ATXN2: variants seen among roughly 807,000 people sequenced by gnomAD.
The protein encoded by ATXN2 is ataxin-2.
A neutral mutation model predicts 138.6 loss-of-function variants in ATXN2; 37 were observed. The ratio of observed to expected loss-of-function variants is 0.27; its 90% CI spans 0.21 to 0.35. ATXN2 has a LOEUF of 0.35. ATXN2 is among the 10% of genes least tolerant of loss of function. ATXN2 has a pLI of 1.00. For synonymous variants in ATXN2, 549 were observed against 543.7 expected (o/e 1.01, Z -0.13); for missense variants, 1,216 against 1,480.3 (o/e 0.82, Z 2.93).
At chr12:111,459,098 C>T (rs1043055663) in intron 21 of ATXN2, among the ~76,000 whole-genome samples, 10 of 152,176 alleles carry the variant, frequency 6.6e-5, no homozygotes, top group Non-Finnish European at 1.5e-4. Context: ...GAAAATTTTC[C>T]AGACTGTAGG....
intron 1 of ATXN2, among the ~76,000 whole-genome samples, chr12:111,578,104 G>A (rs1425420547): frequency 1.3e-5 from 2 of 152,168 alleles, no homozygotes; most frequent in African/African-American, 4.8e-5. Flanking sequence ...GGTTGAGGCA[G>A]GAGAATCGCT....
rs779112609 is a variant in ATXN2 at position 111,518,353 on chromosome 12, G to A, written c.1061C>T (p.Pro354Leu). ...GCCCGATCCAGGCTGGCCCATACGC[G>A]GTGAATTCTGTCTCCCACTTCCCCA... ...ISWGSGRQNS[P>L]RMGQPGSGSM... is the part of the protein sequence containing the mutation. The change falls in exon 9 of 25, where the codon CCG (proline) becomes CTG (leucine). Residue 354 changes from proline to leucine, a missense_variant. Physicochemically the swap from Pro to Leu is moderately conservative, Grantham distance 98. Transcript: ENST00000673436. 18 of 1,613,048 alleles carry A rather than the reference G, an allele frequency of 1.1e-5. No individual in the cohort carries two copies. Among genetic ancestry groups the A allele is most frequent in the East Asian group, 8.9e-5 (4 of 44,866 alleles).
Position 111,598,508 on chromosome 12 carries a change from G to A in ATXN2, c.251+276C>T, listed in dbSNP as rs1006595771. 30 of 985,088 alleles carry A rather than the reference G, an allele frequency of 3.0e-5. No individual in the cohort carries two copies. The highest frequency in any genetic ancestry group is 6.1e-5 in the Admixed American group (1 of 16,264). The allele number at this position is 985,088 out of a possible 1,614,324, so 61.0% of individuals were successfully genotyped here. On this transcript the variant is annotated intron_variant, in intron 1 of 24. Coordinates refer to ENST00000673436, the MANE Select transcript of ATXN2 (RefSeq NM_001372574.1). The surrounding 1 kb of genome is among the most constrained non-coding windows in gnomAD (Gnocchi z 4.5). ...TACCCGAGAACCCCTCCCAACACGC[G>A]TGGGGAGGGGAGGCCGCCCGCTCCC...
At position 111,453,329 on chromosome 12, in the gene ATXN2, C is replaced by CA; in HGVS notation, c.3439+347dup. 9.2e-7 allele frequency: 1 copy of CA among 1,084,850 alleles called. No homozygotes were observed. The highest frequency in any genetic ancestry group is 1.1e-6 in the Non-Finnish European group (1 of 894,478). 67.2% of individuals were successfully genotyped at this position (1,084,850 alleles called of 1,614,324 possible). On this transcript the variant is annotated intron_variant, in intron 24 of 24. Transcript: ENST00000673436. This position sits in a 1 kb window ranked among gnomAD's most constrained non-coding sequence, Gnocchi z 5.4. ...AAACTCTGCCATGGTAATAACCCCCCACATGTCAGACTTTTGGGACTCAGG... is the reference window on the plus strand; with the variant it reads ...AAACTCTGCCATGGTAATAACCCCCCAACATGTCAGACTTTTGGGACTCAGG...
Position 111,598,333 on chromosome 12 carries a change from G to A in ATXN2, c.251+451C>T, listed in dbSNP as rs1018648108. The A allele has an allele frequency of 1.0e-6, 1 of 992,066 alleles. No individual in the cohort carries two copies. The highest frequency in any genetic ancestry group is 4.5e-5 in the South Asian group (1 of 22,156). The allele number at this position is 992,066 out of a possible 1,614,324, so 61.5% of individuals were successfully genotyped here. ...TCTCCCCTCCAGAGATGTCCCCCAT[G>A]GAGGGGGACATGTTCCGGAAAACGC... is the stretch of plus-strand genomic sequence containing the variant. On this transcript the variant is annotated intron_variant, in intron 1 of 24. Transcript: ENST00000673436. The surrounding 1 kb of genome is among the most constrained non-coding windows in gnomAD (Gnocchi z 4.5).
intron 5 of ATXN2, among the ~76,000 whole-genome samples, chr12:111,536,427 T>C (rs1881180450): frequency 6.6e-6 from 1 of 152,064 alleles, no homozygotes; most frequent in Non-Finnish European, 1.5e-5. Flanking sequence ...AGGATGGGTA[T>C]AATCAAAGAG....
At chr12:111,513,578 TATTC>T in intron 10 of ATXN2, 39 bp from the exon 11 acceptor site, 1 of 1,572,584 alleles carries the variant, frequency 6.4e-7, no homozygotes. Context: ...AATTCCATGA[TATTC>T]ATCAGTACTA....
At chr12:111,496,386 A>T (rs988792049) in intron 14 of ATXN2, among the ~76,000 whole-genome samples, 3 of 151,876 alleles carry the variant, frequency 2.0e-5, no homozygotes, top group Non-Finnish European at 4.4e-5. Flanking sequence ...ACAAAAAAAA[A>T]TTAGCCAGGA....
At chr12:111,487,539 C>T (rs1877725774) in intron 15 of ATXN2, among the ~76,000 whole-genome samples, 1 of 152,056 alleles carries the variant, frequency 6.6e-6, no homozygotes, top group Admixed American at 6.6e-5. Flanking sequence ...CGGCTCACTG[C>T]AGCCTCCACC....
rs1031622383 is a variant in ATXN2 at position 111,598,399 on chromosome 12, C to T, written c.251+385G>A. The T allele has an allele frequency of 1.0e-6, 1 of 985,720 alleles. No homozygotes were observed. Among genetic ancestry groups the T allele is most frequent in the Non-Finnish European group, 1.2e-6 (1 of 830,186 alleles). The allele number at this position is 985,720 out of a possible 1,614,324, so 61.1% of individuals were successfully genotyped here. On this transcript the variant is annotated intron_variant, in intron 1 of 24. Transcript: ENST00000673436. The surrounding 1 kb of genome is among the most constrained non-coding windows in gnomAD (Gnocchi z 4.5). Reference sequence around the variant, plus strand: ...ACCCCTCCAACGTTCACACCTAAACCGGGAGTGGAGGAGCTGCCCGAGCAT... The same window carrying T: ...ACCCCTCCAACGTTCACACCTAAACTGGGAGTGGAGGAGCTGCCCGAGCAT...
chr12:111,498,005 G>T (rs1878534665), intron 14 of ATXN2, among the ~76,000 whole-genome samples: 1 of 152,008 alleles, frequency 6.6e-6, no homozygotes, highest in Non-Finnish European at 1.5e-5. Context: ...GACAGAGTGA[G>T]ACTCCATCTC....
intron 6 of ATXN2, among the ~76,000 whole-genome samples, chr12:111,521,411 T>C (rs1880149991): frequency 6.6e-6 from 1 of 152,192 alleles, no homozygotes; most frequent in Non-Finnish European, 1.5e-5. Flanking sequence ...GGGTGCTTTT[T>C]AACAGCCAAA....
chr12:111,543,188 CTG>C (rs1265793333), intron 5 of ATXN2, among the ~76,000 whole-genome samples: 10 of 152,158 alleles, frequency 6.6e-5, no homozygotes, highest in Non-Finnish European at 1.5e-4. Context: ...GAACACATAT[CTG>C]TGTCTTAATA....
chr12:111,599,184 G>C lies in ATXN2; in HGVS notation c.-150C>G, dbSNP rs914364102. Reference sequence around the variant, plus strand: ...GCCGGAGGGGCGCCCGGGCTGGCGAGGGGGAGAAGGAGGACGACGAAGGGG... The same window carrying C: ...GCCGGAGGGGCGCCCGGGCTGGCGACGGGGAGAAGGAGGACGACGAAGGGG... On this transcript the variant is annotated 5_prime_UTR_variant, in exon 1 of 25. Coordinates refer to ENST00000673436, the MANE Select transcript of ATXN2 (RefSeq NM_001372574.1). The C allele has an allele frequency of 5.0e-6, 6 of 1,204,002 alleles. No individual in the cohort carries two copies. The highest frequency in any genetic ancestry group is 6.2e-6 in the Non-Finnish European group (6 of 970,806). 74.6% of individuals were successfully genotyped at this position (1,204,002 alleles called of 1,614,324 possible). A position where few individuals can be genotyped will look rare whatever the true frequency, so the allele number is the denominator to read the frequency against.
chr12:111,549,635 TAGAAG>T (rs1882015221), intron 5 of ATXN2, among the ~76,000 whole-genome samples: 1 of 152,354 alleles, frequency 6.6e-6, no homozygotes, highest in East Asian at 1.9e-4. Flanking sequence ...TCTTCTTTTA[TAGAAG>T]AGGGCAATTT....
chr12:111,469,971 T>A, intron 20 of ATXN2, 137 bp downstream of exon 20: 1 of 1,031,168 alleles, frequency 9.7e-7, no homozygotes, highest in Non-Finnish European at 1.3e-6. Context: ...GGCAAAGAAA[T>A]GGGTTCATCT....
intron 14 of ATXN2, among the ~76,000 whole-genome samples, chr12:111,495,919 G>A (rs910424582): frequency 1.3e-4 from 19 of 151,630 alleles, no homozygotes; most frequent in African/African-American, 4.1e-4. Context: ...CGAAATAGGT[G>A]GATTGCTTGA....
intron 1 of ATXN2, among the ~76,000 whole-genome samples, chr12:111,588,717 C>T (rs1040432586): frequency 2.6e-5 from 4 of 151,720 alleles, no homozygotes; most frequent in Non-Finnish European, 4.4e-5. Flanking sequence ...CCAGGCCGGA[C>T]GCGGTGGCTC....
At chr12:111,579,358 G>T (rs747741477) in intron 1 of ATXN2, among the ~76,000 whole-genome samples, 1 of 152,206 alleles carries the variant, frequency 6.6e-6, no homozygotes, top group East Asian at 1.9e-4. Flanking sequence ...TGCCTCCCGG[G>T]TTCAAGCGAT....
Sources: gnomAD v4.1 joint callset for allele counts (sites outside exome capture counted in the v4.1 genomes callset) on GRCh38, gnomAD v4.1.1 for gene constraint, Gnocchi (gnomAD v3.1) non-coding constraint, MANE v1.5 for transcripts, NCBI Gene and HGNC (gene_info 2026-07-23, HGNC 2026-07-21) for gene names.